Variants in WLS observed in about 807,000 individuals in gnomAD.
WLS encodes the protein Wnt ligand secretion mediator, also known as protein wntless homolog.
In WLS, 23 loss-of-function variants were observed where a neutral mutation model predicts 62.8. The ratio of observed to expected loss-of-function variants is 0.37; its 90% CI spans 0.26 to 0.52. WLS has a LOEUF of 0.52. Among genes scored for constraint, WLS ranks in the 20% least tolerant of loss-of-function variants. The pLI, the probability that WLS is intolerant of heterozygous loss-of-function variation, is 0.92. For missense variants in WLS, 615 were observed against 697.3 expected (o/e 0.88, Z 1.33); for synonymous variants, 246 against 244.1 (o/e 1.01, Z -0.07).
chr1:68,183,285 T>G (rs1045516545), intron 2 of WLS, among the ~76,000 whole-genome samples: 1 of 151,804 alleles, frequency 6.6e-6, no homozygotes, highest in Non-Finnish European at 1.5e-5. Context: ...TTGGTGGGAG[T>G]AGTAGTAGGG....
At chr1:68,105,324 A>C (rs924182860) in intron 11 of WLS, among the ~76,000 whole-genome samples, 1 of 152,208 alleles carries the variant, frequency 6.6e-6, no homozygotes, top group Admixed American at 6.5e-5. Context: ...ATTGTTTAGT[A>C]CTACTGGTTT....
At chr1:68,198,782 A>G (rs1648824286) in intron 1 of WLS, among the ~76,000 whole-genome samples, 1 of 152,208 alleles carries the variant, frequency 6.6e-6, no homozygotes, top group Admixed American at 6.5e-5. Flanking sequence ...ACAGTCAGAT[A>G]TTTGGGAGGT....
At chr1:68,213,405 T>C (rs920906655) in intron 1 of WLS, among the ~76,000 whole-genome samples, 4 of 145,964 alleles carry the variant, frequency 2.7e-5, no homozygotes, top group Non-Finnish European at 5.9e-5. Context: ...GAGCTGAGAT[T>C]GCGCCATTGC....
At chr1:68,192,276 T>C (rs1367008978) in intron 2 of WLS, among the ~76,000 whole-genome samples, 1 of 152,088 alleles carries the variant, frequency 6.6e-6, no homozygotes, top group African/African-American at 2.4e-5. Context: ...AGAGTAAAAA[T>C]AATTGTACAT....
intron 11 of WLS, among the ~76,000 whole-genome samples, chr1:68,109,672 CAG>C (rs1038705032): frequency 2.0e-5 from 3 of 151,818 alleles, no homozygotes; most frequent in Admixed American, 1.3e-4. Flanking sequence ...AGAAATTAAA[CAG>C]AATATAGCAC....
At chr1:68,148,346 G>T (rs551825485) in intron 7 of WLS, 147 bp from the exon 8 acceptor site, 2 of 926,078 alleles carry the variant, frequency 2.2e-6, no homozygotes, top group African/African-American at 3.3e-5. Context: ...AAAGAGAAAT[G>T]AAGCTTGTAG....
intron 2 of WLS, among the ~76,000 whole-genome samples, chr1:68,192,615 C>T (rs979927271): frequency 2.0e-5 from 3 of 150,200 alleles, no homozygotes; most frequent in Admixed American, 6.7e-5. Flanking sequence ...ACAAAATTAG[C>T]GTGCCTGTAG....
intron 2 of WLS, chr1:68,162,907 C>T (rs758513267): frequency 4.5e-6 from 7 of 1,567,668 alleles, no homozygotes; most frequent in Non-Finnish European, 5.3e-6. Flanking sequence ...GTGGACTGCG[C>T]GTCACAGAAG....
At chr1:68,113,801 A>G (rs537478717) in intron 11 of WLS, among the ~76,000 whole-genome samples, 2 of 152,306 alleles carry the variant, frequency 1.3e-5, no homozygotes, top group East Asian at 3.9e-4. Flanking sequence ...AAAGGCTTGA[A>G]AAGCCTTGCT....
At chr1:68,228,832 A>C (rs559404751) in intron 1 of WLS, among the ~76,000 whole-genome samples, 1 of 127,748 alleles carries the variant, frequency 7.8e-6, no homozygotes, top group East Asian at 2.4e-4. Context: ...TAGCTTACAG[A>C]CACTGGTGCC....
intron 11 of WLS, among the ~76,000 whole-genome samples, chr1:68,116,953 A>T (rs2988020): frequency 0.38 from 58,164 of 151,824 alleles, 11,729 homozygotes; most frequent in East Asian, 0.81. Flanking sequence ...GGTTGCCATG[A>T]ACCTGTACGA....
At chr1:68,177,755 A>T (rs552686745) in intron 2 of WLS, among the ~76,000 whole-genome samples, 4 of 152,286 alleles carry the variant, frequency 2.6e-5, no homozygotes, top group Non-Finnish European at 5.9e-5. Flanking sequence ...GGGCCTCCCA[A>T]AGTGCTGGGA....
intron 2 of WLS, among the ~76,000 whole-genome samples, chr1:68,166,574 T>C (rs538522107): frequency 2.6e-5 from 4 of 152,274 alleles, no homozygotes; most frequent in African/African-American, 9.6e-5. Flanking sequence ...CAAAAGAAGC[T>C]AACAGCTGAA....
intron 1 of WLS, among the ~76,000 whole-genome samples, chr1:68,225,868 C>T (rs1195895378): frequency 1.3e-5 from 2 of 152,168 alleles, no homozygotes; most frequent in Admixed American, 1.3e-4. Flanking sequence ...GTTAAAATCA[C>T]CAACTAGAGA....
intron 9 of WLS, among the ~76,000 whole-genome samples, chr1:68,145,589 A>C (rs2100450729): frequency 6.6e-6 from 1 of 152,066 alleles, no homozygotes. Flanking sequence ...CTAGTATGTA[A>C]CCTACATTCC....
chr1:68,120,715 TGTGC>T (rs774388801), downstream of WLS, among the ~76,000 whole-genome samples: 6 of 130,976 alleles, frequency 4.6e-5, no homozygotes, highest in African/African-American at 1.4e-4. Flanking sequence ...TGTGTGTGTG[TGTGC>T]GCGCGCGCAC....
At chr1:68,117,027 CA>C (rs376457389) in intron 11 of WLS, among the ~76,000 whole-genome samples, 1 of 152,150 alleles carries the variant, frequency 6.6e-6, no homozygotes, top group African/African-American at 2.4e-5. Flanking sequence ...ATTCAACTCA[CA>C]AAAAATCTTG....
At chr1:68,197,764 A>G (rs1367769529) in intron 1 of WLS, among the ~76,000 whole-genome samples, 5 of 152,200 alleles carry the variant, frequency 3.3e-5, no homozygotes, top group Admixed American at 1.3e-4. Context: ...TCAAAATTTT[A>G]GCTACATGGG....
At chr1:68,144,135 A>AAG (rs1279869195) in intron 10 of WLS, among the ~76,000 whole-genome samples, 1 of 152,250 alleles carries the variant, frequency 6.6e-6, no homozygotes, top group African/African-American at 2.4e-5. Flanking sequence ...GTGAAAAGAC[A>AAG]AGATGCTATC....
Sources: gnomAD v4.1 joint callset for allele counts (sites outside exome capture counted in the v4.1 genomes callset) on GRCh38, gnomAD v4.1.1 for gene constraint, MANE v1.5 for transcripts, NCBI Gene and HGNC (gene_info 2026-07-23, HGNC 2026-07-21) for gene names.